FAM117B: variants seen among roughly 807,000 people sequenced by gnomAD.
FAM117B encodes family with sequence similarity 117 member B.
Under a neutral mutation model 52.8 loss-of-function variants are expected in FAM117B, and 22 were observed. The ratio of observed to expected loss-of-function variants is 0.42; its 90% CI spans 0.30 to 0.59. The LOEUF is 0.59. Ranked by LOEUF, FAM117B falls within the 20% of genes least tolerant of loss-of-function variation. The pLI is 0.22. For synonymous variants in FAM117B, 309 were observed against 324.1 expected, an observed-to-expected ratio of 0.95 and a Z score of 0.50; for missense variants, 678 against 802.6, an observed-to-expected ratio of 0.84 and a Z score of 1.88.
Position 202,757,213 on chromosome 2 carries a change from C to G in FAM117B, c.1105C>G (p.Pro369Ala), listed in dbSNP as rs767092756. Residue 369 changes from proline to alanine, a missense_variant and splice_region_variant, in exon 6 of 8, where the codon CCG (proline) becomes GCG (alanine). Coordinates refer to ENST00000392238, the MANE Select transcript of FAM117B (RefSeq NM_173511.4). Reference sequence around the variant, plus strand: ...CTATGTTTTTACAATTTTGTAACAGCCGCAAGATATTCCAGATGGCCATCG... The same window carrying G: ...CTATGTTTTTACAATTTTGTAACAGGCGCAAGATATTCCAGATGGCCATCG... ...ETGEKEEQLI[P>A]QDIPDGHRAP... is the part of the protein sequence containing the mutation. 6.2e-7 allele frequency: 1 copy of G among 1,613,622 alleles called. No individual in the cohort carries two copies. The highest frequency in any genetic ancestry group is 8.5e-7 in the Non-Finnish European group (1 of 1,179,700).
chr2:202,736,116 T>C (rs1691434445), intron 4 of FAM117B, among the ~76,000 whole-genome samples: 1 of 152,180 alleles, frequency 6.6e-6, no homozygotes, highest in Admixed American at 6.5e-5. Flanking sequence ...CTCTGAGGAA[T>C]GGAAGGTGCA....
chr2:202,742,020 T>A (rs910103390), intron 4 of FAM117B, among the ~76,000 whole-genome samples: 12 of 152,170 alleles, frequency 7.9e-5, no homozygotes, highest in African/African-American at 2.7e-4. Context: ...TGGGGAAAAT[T>A]AAGAACACTT....
intron 3 of FAM117B, 61 bp downstream of exon 3, chr2:202,725,070 C>T (rs1461963448): frequency 9.9e-6 from 13 of 1,316,098 alleles, no homozygotes; most frequent in Non-Finnish European, 1.3e-5. Context: ...TGGCTATTTC[C>T]TTGATATTAT....
chr2:202,742,882 A>C (rs1017154649), intron 4 of FAM117B, among the ~76,000 whole-genome samples: 1 of 152,168 alleles, frequency 6.6e-6, no homozygotes, highest in Non-Finnish European at 1.5e-5. Context: ...CAGCCCCCAC[A>C]AGCACCTCTT....
In FAM117B at chr2:202,765,798, T is replaced by C. The variant is rs369475305; in HGVS notation, c.*34T>C. 5 of 1,595,916 alleles carry C rather than the reference T, an allele frequency of 3.1e-6. No homozygotes were observed. In the African/African-American group the frequency reaches 4.0e-5, roughly 13 times the overall value. ...GCAACGTGGCTGTTGTTCTGGGAAA[T>C]TGGGAACCTCCTCAGATCACTGGAT... is the stretch of plus-strand genomic sequence containing the variant. On this transcript the variant is annotated 3_prime_UTR_variant, in exon 8 of 8. Coordinates refer to ENST00000392238, the MANE Select transcript of FAM117B (RefSeq NM_173511.4).
chr2:202,695,761 C>G, intron 1 of FAM117B, 120 bp from the exon 2 acceptor site: 2 of 1,041,610 alleles, frequency 1.9e-6, no homozygotes, highest in Non-Finnish European at 1.4e-6. Flanking sequence ...GAAGTATCCC[C>G]TGTGGTTAAA....
intron 1 of FAM117B, among the ~76,000 whole-genome samples, chr2:202,668,260 T>C (rs1690239469): frequency 6.8e-6 from 1 of 146,248 alleles, no homozygotes; most frequent in Non-Finnish European, 1.5e-5. Context: ...GATACATATA[T>C]AAAGATATAA....
intron 5 of FAM117B, among the ~76,000 whole-genome samples, chr2:202,756,984 C>T (rs761061473): frequency 2.0e-5 from 3 of 152,056 alleles, no homozygotes; most frequent in Non-Finnish European, 4.4e-5. Context: ...GCATTGGCCA[C>T]CTGCTGTATG....
intron 4 of FAM117B, among the ~76,000 whole-genome samples, chr2:202,741,542 A>AT (rs537438850): frequency 4.2e-4 from 60 of 143,626 alleles, no homozygotes; most frequent in Admixed American, 1.5e-3. Flanking sequence ...ATGAAAAAAA[A>AT]TTTTTTTTTT....
chr2:202,698,075 T>C (rs1009694341), intron 2 of FAM117B, among the ~76,000 whole-genome samples: 3 of 152,254 alleles, frequency 2.0e-5, no homozygotes, highest in Non-Finnish European at 4.4e-5. Context: ...TTTGCTGTGT[T>C]GGCCATGCTT....
chr2:202,737,828 TTGACCTCAGGTGATC>T (rs1435066824), intron 4 of FAM117B, among the ~76,000 whole-genome samples: 4 of 152,060 alleles, frequency 2.6e-5, no homozygotes, highest in Non-Finnish European at 5.9e-5. Context: ...TCTTGAACGC[TTGACCTCAGGTGATC>T]TGACCACCTC....
chr2:202,652,052 T>TAAA (rs1227648534), intron 1 of FAM117B, among the ~76,000 whole-genome samples: 1 of 98,622 alleles, frequency 1.0e-5, no homozygotes, highest in Non-Finnish European at 2.2e-5. Flanking sequence ...AAACTCTGTC[T>TAAA]AAAAAAAAAA....
chr2:202,635,164 CA>C lies in FAM117B; in HGVS notation c.-23del. 7.9e-7 allele frequency: 1 copy of C among 1,263,682 alleles called. No homozygotes were observed. The highest frequency in any genetic ancestry group is 3.1e-5 in the East Asian group (1 of 31,844). The allele number at this position is 1,263,682 out of a possible 1,614,324, so 78.3% of individuals were successfully genotyped here. A position where few individuals can be genotyped will look rare whatever the true frequency, so the allele number is the denominator to read the frequency against. Reference sequence around the variant, plus strand: ...CAACAACAAAACCCCCCGTCTCGCCCAGTCACCGGGGAGGGGGGGGACCATG... The same window carrying C: ...CAACAACAAAACCCCCCGTCTCGCCCGTCACCGGGGAGGGGGGGGACCATG... On this transcript the variant is annotated 5_prime_UTR_variant, in exon 1 of 8. Transcript: ENST00000392238.
At chr2:202,718,376 G>A (rs1405008359) in intron 2 of FAM117B, among the ~76,000 whole-genome samples, 1 of 152,130 alleles carries the variant, frequency 6.6e-6, no homozygotes. Flanking sequence ...TTATTATGTT[G>A]AGATACTTTC....
intron 1 of FAM117B, among the ~76,000 whole-genome samples, chr2:202,672,695 A>G (rs530816499): frequency 8.5e-5 from 13 of 152,172 alleles, no homozygotes; most frequent in Non-Finnish European, 8.8e-5. Context: ...AACATTTGGT[A>G]TCTATGTATA....
intron 1 of FAM117B, among the ~76,000 whole-genome samples, chr2:202,690,870 C>A (rs1189493043): frequency 1.3e-5 from 2 of 152,148 alleles, no homozygotes; most frequent in African/African-American, 4.8e-5. Context: ...CCTCCCATAA[C>A]CTCCTTAATA....
intron 4 of FAM117B, among the ~76,000 whole-genome samples, chr2:202,744,147 C>A (rs1414174267): frequency 6.7e-6 from 1 of 148,520 alleles, no homozygotes; most frequent in Non-Finnish European, 1.5e-5. Context: ...TAAGAGAATC[C>A]CCGTCTGTCT....
At chr2:202,759,758 C>G (rs557260350) in intron 7 of FAM117B, among the ~76,000 whole-genome samples, 1 of 151,964 alleles carries the variant, frequency 6.6e-6, no homozygotes, top group East Asian at 1.9e-4. Flanking sequence ...GGGGTTTCAC[C>G]GCGTTAGCCA....
At chr2:202,724,089 CCT>C (rs142752365) in intron 2 of FAM117B, among the ~76,000 whole-genome samples, 30,340 of 137,610 alleles carry the variant, frequency 0.22, 4,131 homozygotes, top group Middle Eastern at 0.33. Context: ...ACGGAGCCTC[CCT>C]CTGTCATCCA....
Sources: allele counts gnomAD v4.1 joint callset (sites outside exome capture counted in the v4.1 genomes callset), GRCh38; gene constraint gnomAD v4.1.1; transcripts MANE v1.5; gene names NCBI Gene and HGNC (gene_info 2026-07-23, HGNC 2026-07-21).